SPRED1: variants seen among roughly 807,000 people sequenced by gnomAD.
SPRED1 encodes the protein sprouty related EVH1 domain containing 1.
SPRED1 carries 18 observed loss-of-function variants against 52.3 expected under a neutral mutation model. The ratio of observed to expected loss-of-function variants is 0.34; its 90% confidence interval spans 0.24 to 0.51. SPRED1 has a LOEUF of 0.51. Ranked by LOEUF, SPRED1 falls within the 20% of genes least tolerant of loss-of-function variation. The pLI is 0.97. For missense variants in SPRED1, 485 were observed against 551.0 expected (o/e 0.88, Z 1.20); for synonymous variants, 155 against 179.7 (o/e 0.86, Z 1.10).
At chr15:38,285,811 A>G (rs907478048) in intron 1 of SPRED1, among the ~76,000 whole-genome samples, 4 of 152,206 alleles carry the variant, frequency 2.6e-5, no homozygotes, top group Non-Finnish European at 4.4e-5. Context: ...TTTCCCCAGA[A>G]TAGCCCATCG....
At chr15:38,289,478 C>A (rs1406059674) in intron 1 of SPRED1, among the ~76,000 whole-genome samples, 1 of 151,848 alleles carries the variant, frequency 6.6e-6, no homozygotes, top group Admixed American at 6.6e-5. Context: ...CCAAAGATGG[C>A]CTTGCCCTAA....
At chr15:38,267,017 A>G (rs1302035258) in intron 1 of SPRED1, among the ~76,000 whole-genome samples, 3 of 152,198 alleles carry the variant, frequency 2.0e-5, no homozygotes, top group Admixed American at 2.0e-4. Flanking sequence ...GTCAGGTGGT[A>G]TAAGGAAAAA....
chr15:38,339,911 AT>A lies in SPRED1; in HGVS notation c.582+22del. The A allele has an allele frequency of 6.2e-7, 1 of 1,613,460 alleles. No homozygotes were observed. Among genetic ancestry groups the A allele is most frequent in the African/African-American group, 1.3e-5 (1 of 74,960 alleles). On this transcript the variant is annotated intron_variant, in intron 5 of 6. Transcript: ENST00000299084. ...AGCCAATCAGGTAAGAAGATAAAAT[AT>A]TTTTTCGGCGCGTTGTTTATATGTG...
rs181388381 is a variant in SPRED1, at chr15:38,309,462, T to G, written c.207+9915T>G. On this transcript the variant is annotated intron_variant, in intron 2 of 6. Coordinates refer to ENST00000299084, the MANE Select transcript of SPRED1 (RefSeq NM_152594.3). Reference sequence around the variant, plus strand: ...AGCCTTGCTTTTTTACTATTGTGTTTGGAGAGTTATTTGTATATTCTAGCT... The same window carrying G: ...AGCCTTGCTTTTTTACTATTGTGTTGGGAGAGTTATTTGTATATTCTAGCT... Among the ~76,000 whole-genome samples, 4 of 152,352 alleles carry G rather than the reference T, an allele frequency of 2.6e-5. No individual in the cohort carries two copies. The East Asian group carries it at 7.7e-4, about 29-fold the overall frequency.
intron 1 of SPRED1, among the ~76,000 whole-genome samples, chr15:38,257,413 C>T (rs896445871): frequency 7.9e-5 from 12 of 151,616 alleles, no homozygotes; most frequent in Non-Finnish European, 1.6e-4. Context: ...AAAAAAAGGC[C>T]GAAAAAGAGT....
At chr15:38,306,515 T>G (rs1370761764) in intron 2 of SPRED1, among the ~76,000 whole-genome samples, 1 of 152,220 alleles carries the variant, frequency 6.6e-6, no homozygotes, top group Non-Finnish European at 1.5e-5. Flanking sequence ...CCCATTCTTT[T>G]CATTATTAAC....
intron 1 of SPRED1, among the ~76,000 whole-genome samples, chr15:38,298,826 T>C (rs923185564): frequency 2.0e-5 from 3 of 152,218 alleles, no homozygotes; most frequent in African/African-American, 7.2e-5. Context: ...CACTTTTCTT[T>C]ATATGATTTG....
intron 1 of SPRED1, among the ~76,000 whole-genome samples, chr15:38,270,465 GA>G (rs1177326138): frequency 3.4e-4 from 52 of 152,186 alleles, no homozygotes; most frequent in African/African-American, 1.2e-3. Flanking sequence ...ATTAAGAAAA[GA>G]GGTTTAATTA....
chr15:38,345,291 C>T (rs1896109802), intron 5 of SPRED1, among the ~76,000 whole-genome samples: 1 of 152,164 alleles, frequency 6.6e-6, no homozygotes, highest in Non-Finnish European at 1.5e-5. Flanking sequence ...CTTGCAGTAG[C>T]CTGATTAACA....
intron 6 of SPRED1, among the ~76,000 whole-genome samples, chr15:38,350,038 G>T (rs1888446618): frequency 1.3e-5 from 2 of 152,116 alleles, no homozygotes. Context: ...GGAAGTAGGG[G>T]TATTTTACGT....
intron 1 of SPRED1, among the ~76,000 whole-genome samples, chr15:38,264,246 A>T (rs1352488749): frequency 6.6e-6 from 1 of 152,222 alleles, no homozygotes; most frequent in Non-Finnish European, 1.5e-5. Flanking sequence ...ATGGCCACGC[A>T]AGAGAGTAAA....
chr15:38,327,573 T>C (rs1015389604), intron 4 of SPRED1, among the ~76,000 whole-genome samples: 8 of 152,158 alleles, frequency 5.3e-5, no homozygotes, highest in Admixed American at 2.0e-4. Flanking sequence ...ATGTGAGGAA[T>C]TGAGGTCATC....
At chr15:38,269,836 T>G (rs1419228261) in intron 1 of SPRED1, among the ~76,000 whole-genome samples, 1 of 152,154 alleles carries the variant, frequency 6.6e-6, no homozygotes, top group Non-Finnish European at 1.5e-5. Context: ...TTATTTAATT[T>G]ATATAGCCAC....
chr15:38,307,523 A>G (rs1231908735), intron 2 of SPRED1, among the ~76,000 whole-genome samples: 2 of 152,102 alleles, frequency 1.3e-5, no homozygotes, highest in Non-Finnish European at 2.9e-5. Flanking sequence ...CCCCACCTTT[A>G]TGACCTCATT....
chr15:38,310,255 C>A (rs1201998719), intron 2 of SPRED1, among the ~76,000 whole-genome samples: 1 of 152,066 alleles, frequency 6.6e-6, no homozygotes, highest in Non-Finnish European at 1.5e-5. Flanking sequence ...TTTCTCCTGC[C>A]TCAGCCTCCC....
intron 1 of SPRED1, among the ~76,000 whole-genome samples, chr15:38,291,555 C>T (rs1894924562): frequency 6.6e-6 from 1 of 152,258 alleles, no homozygotes; most frequent in African/African-American, 2.4e-5. Context: ...CCTGGGCATC[C>T]AGGTGTTTCC....
rs750777752 is a variant in SPRED1, at chr15:38,299,392, C to G, written c.52C>G (p.Arg18Gly). 6.2e-7 allele frequency: 1 copy of G among 1,613,776 alleles called. No individual in the cohort carries two copies. The highest frequency in any genetic ancestry group is 8.5e-7 in the Non-Finnish European group (1 of 1,179,854). ...SDNDNSYARV[R>G]AVVMTRDDSS... is the part of the protein sequence containing the mutation. ...TTTTAGTAATAGTTATGCACGAGTGCGAGCTGTGGTGATGACCCGAGATGA... is the reference window on the plus strand; with the variant it reads ...TTTTAGTAATAGTTATGCACGAGTGGGAGCTGTGGTGATGACCCGAGATGA... Residue 18 changes from arginine to glycine, a missense_variant, in exon 2 of 7, where the codon CGA becomes GGA. Transcript: ENST00000299084.
At chr15:38,286,312 A>G (rs1595726102) in intron 1 of SPRED1, among the ~76,000 whole-genome samples, 1 of 139,656 alleles carries the variant, frequency 7.2e-6, no homozygotes, top group East Asian at 2.1e-4. Flanking sequence ...TATTATTTTT[A>G]TTGTGAATTG....
intron 1 of SPRED1, among the ~76,000 whole-genome samples, chr15:38,257,151 C>G (rs901915529): frequency 6.6e-6 from 1 of 152,180 alleles, no homozygotes; most frequent in African/African-American, 2.4e-5. Context: ...CTCTTCCCCT[C>G]TTTCAACACT....
Sources: gnomAD v4.1 joint callset for allele counts (sites outside exome capture counted in the v4.1 genomes callset) on GRCh38, gnomAD v4.1.1 for gene constraint, MANE v1.5 for transcripts, NCBI Gene and HGNC (gene_info 2026-07-23, HGNC 2026-07-21) for gene names.